PTPRN2: variants seen among roughly 807,000 people sequenced by gnomAD.
PTPRN2 encodes receptor-type tyrosine-protein phosphatase N2.
PTPRN2 carries 74 observed loss-of-function variants against 118.8 expected under a neutral mutation model. That is an observed-to-expected ratio of 0.62 (90% confidence interval 0.52 to 0.76). PTPRN2 has a LOEUF of 0.76. Ranked by LOEUF, PTPRN2 falls within the 30% of genes least tolerant of loss-of-function variation. PTPRN2 has a pLI of 0.00. For missense variants in PTPRN2, 1,481 were observed against 1,394.4 expected (o/e 1.06, Z -0.99); for synonymous variants, 641 against 608.0 (o/e 1.05, Z -0.80).
intron 10 of PTPRN2, among the ~76,000 whole-genome samples, chr7:158,102,593 G>C (rs914021603): frequency 2.0e-5 from 3 of 152,178 alleles, no homozygotes; most frequent in African/African-American, 7.2e-5. Context: ...AGTTTCCCAG[G>C]GCTGCAGAAT....
At chr7:158,340,718 CCA>C (rs1417259327) in intron 2 of PTPRN2, among the ~76,000 whole-genome samples, 2 of 55,134 alleles carry the variant, frequency 3.6e-5, no homozygotes, top group Non-Finnish European at 4.1e-5. Context: ...TCACTCACAC[CCA>C]CACTCACCAT....
chr7:157,918,942 C>T (rs961203120), intron 11 of PTPRN2, among the ~76,000 whole-genome samples: 1 of 152,186 alleles, frequency 6.6e-6, no homozygotes, highest in African/African-American at 2.4e-5. Context: ...CCACAACAGC[C>T]ACCTGAGGTG....
At chr7:158,516,036 C>T (rs930447296) in intron 1 of PTPRN2, among the ~76,000 whole-genome samples, 1 of 152,218 alleles carries the variant, frequency 6.6e-6, no homozygotes, top group African/African-American at 2.4e-5. Flanking sequence ...CACAGACACG[C>T]TGGTGATTGC....
At chr7:158,213,804 TA>T (rs1345969921) in intron 3 of PTPRN2, among the ~76,000 whole-genome samples, 2 of 152,162 alleles carry the variant, frequency 1.3e-5, no homozygotes, top group Non-Finnish European at 2.9e-5. Flanking sequence ...CTCTTAATAT[TA>T]ATATTTATCA....
intron 2 of PTPRN2, among the ~76,000 whole-genome samples, chr7:158,417,168 G>C (rs908469186): frequency 2.0e-5 from 3 of 151,958 alleles, no homozygotes; most frequent in African/African-American, 7.3e-5. Flanking sequence ...ACTACATTGA[G>C]ATGCTGTAGC....
intron 3 of PTPRN2, among the ~76,000 whole-genome samples, chr7:158,315,380 CCCTTGAAGGACAGAGGTGAACCCAGGACG>C (rs1802225824): frequency 6.7e-6 from 1 of 148,336 alleles, no homozygotes; most frequent in Non-Finnish European, 1.5e-5. Context: ...AACCCGGGAC[CCCTTGAAGGACAGAGGTGAACCCAGGACG>C]CCCTCAAGGA....
chr7:158,431,368 G>T, intron 2 of PTPRN2, among the ~76,000 whole-genome samples: 1 of 142,572 alleles, frequency 7.0e-6, no homozygotes, highest in Middle Eastern at 4.2e-3. Flanking sequence ...CTTAGACCAG[G>T]CACACACCAG....
At position 157,758,767 on chromosome 7, in the gene PTPRN2, C is replaced by G. The variant is rs80113972; in HGVS notation, c.1789-75830G>C. Among the ~76,000 whole-genome samples the G allele has an allele frequency of 7.2e-3, 1,096 of 152,240 alleles. 13 individuals are homozygous for G. Among genetic ancestry groups the G allele is most frequent in the African/African-American group, 0.025 (1,048 of 41,532 alleles). ...TCCCTTCCCCAGCTCCCCACGCTACCCCCCAACCCTTGCTGCACAGCAGAA... is the reference window on the plus strand; with the variant it reads ...TCCCTTCCCCAGCTCCCCACGCTACGCCCCAACCCTTGCTGCACAGCAGAA... On this transcript the variant is annotated intron_variant, in intron 12 of 22. Transcript: ENST00000389418.
chr7:158,327,503 T>C (rs1193347644), intron 2 of PTPRN2, among the ~76,000 whole-genome samples: 1 of 151,816 alleles, frequency 6.6e-6, no homozygotes, highest in Non-Finnish European at 1.5e-5. Flanking sequence ...GCACAAGTTC[T>C]CACACACATG....
rs1029688429 is a variant in PTPRN2 at position 157,800,673 on chromosome 7, C to T, written c.1788+98000G>A. Among the ~76,000 whole-genome samples the T allele has an allele frequency of 7.2e-5, 11 of 152,236 alleles. 1 individual carries two copies. In the East Asian group the frequency reaches 1.2e-3, roughly 16 times the overall value. ...TTAACTTTTAAAATATGAATACCTG[C>T]CGGGTGCGGTGGCTCAGGCCTGTAA... On this transcript the variant is annotated intron_variant, in intron 12 of 22. Coordinates refer to ENST00000389418, the MANE Select transcript of PTPRN2 (RefSeq NM_002847.5).
intron 11 of PTPRN2, among the ~76,000 whole-genome samples, chr7:157,905,683 T>G (rs1797731896): frequency 6.6e-6 from 1 of 152,238 alleles, no homozygotes; most frequent in Admixed American, 6.5e-5. Context: ...TTGCCTACTC[T>G]CTTTATCCTC....
At chr7:157,545,482 G>A (rs1056690843) in intron 22 of PTPRN2, among the ~76,000 whole-genome samples, 1 of 151,534 alleles carries the variant, frequency 6.6e-6, no homozygotes, top group African/African-American at 2.4e-5. Context: ...CTGCGTGTGG[G>A]TGTGCGCAGT....
rs1816259537 is a variant in PTPRN2, at chr7:158,432,184, C to T, written c.163+57551G>A. Among the ~76,000 whole-genome samples, 5 of 152,314 alleles carry T rather than the reference C, an allele frequency of 3.3e-5. No homozygotes were observed. In the South Asian group the frequency reaches 8.3e-4, roughly 25 times the overall value. ...TGACGTGTGAGGGAGAAGAGAAACACGACACGGTCAGGGAGACGTCACAGG... is the reference window on the plus strand; with the variant it reads ...TGACGTGTGAGGGAGAAGAGAAACATGACACGGTCAGGGAGACGTCACAGG... On this transcript the variant is annotated intron_variant, in intron 2 of 22. Transcript: ENST00000389418.
chr7:158,419,819 T>C (rs1052231736), intron 2 of PTPRN2, among the ~76,000 whole-genome samples: 2 of 152,186 alleles, frequency 1.3e-5, no homozygotes, highest in East Asian at 3.8e-4. Context: ...CACTTCGTTA[T>C]TTTATTATCT....
chr7:157,692,776 G>A (rs996355766), intron 12 of PTPRN2, among the ~76,000 whole-genome samples: 2 of 152,092 alleles, frequency 1.3e-5, no homozygotes, highest in Admixed American at 1.3e-4. Context: ...AGTAGGCGGG[G>A]ACGGGGTACA....
At chr7:158,033,575 C>A (rs1009703087) in intron 11 of PTPRN2, among the ~76,000 whole-genome samples, 1 of 152,168 alleles carries the variant, frequency 6.6e-6, no homozygotes, top group African/African-American at 2.4e-5. Flanking sequence ...AGTCTGATCT[C>A]AGGAGAGGGG....
chr7:157,712,202 G>T (rs1798681291), intron 12 of PTPRN2, among the ~76,000 whole-genome samples: 1 of 152,124 alleles, frequency 6.6e-6, no homozygotes, highest in Non-Finnish European at 1.5e-5. Flanking sequence ...GCGGGTCTGG[G>T]GTTGCTCAGA....
intron 12 of PTPRN2, among the ~76,000 whole-genome samples, chr7:157,887,967 C>T (rs1417424735): frequency 1.3e-5 from 2 of 150,494 alleles, no homozygotes; most frequent in Non-Finnish European, 3.0e-5. Context: ...GGCACCACCG[C>T]CCCCTGCCTC....
At chr7:158,247,335 G>A (rs1796322706) in intron 3 of PTPRN2, among the ~76,000 whole-genome samples, 1 of 152,212 alleles carries the variant, frequency 6.6e-6, no homozygotes, top group South Asian at 2.1e-4. Flanking sequence ...AGAAGGCCGT[G>A]ATGGGAGGTG....
Sources: allele counts gnomAD v4.1 joint callset (sites outside exome capture counted in the v4.1 genomes callset), GRCh38; gene constraint gnomAD v4.1.1; transcripts MANE v1.5; gene names NCBI Gene and HGNC (gene_info 2026-07-23, HGNC 2026-07-21).